Variants in UBE2G1 observed in about 807,000 individuals in gnomAD.
UBE2G1 encodes the protein ubiquitin conjugating enzyme E2 G1.
UBE2G1 carries 5 observed loss-of-function variants against 22.7 expected under a neutral mutation model. The observed-to-expected ratio is 0.22, with a 90% CI of 0.12 to 0.46. UBE2G1 has a LOEUF of 0.46. Among genes scored for constraint, UBE2G1 ranks in the 20% least tolerant of loss-of-function variants. The probability of loss-of-function intolerance (pLI) is 0.99; values close to 1 mark genes in which losing one functional copy is unlikely to be tolerated. For synonymous variants in UBE2G1, 74 were observed against 67.5 expected, an observed-to-expected ratio of 1.10 and a Z score of -0.47; for missense variants, 88 against 203.9, an observed-to-expected ratio of 0.43 and a Z score of 3.46.
chr17:4,319,734 A>G (rs73328796), intron 1 of UBE2G1, among the ~76,000 whole-genome samples: 220 of 152,192 alleles, frequency 1.4e-3, no homozygotes, highest in African/African-American at 5.1e-3. Flanking sequence ...AAAAAAAAAA[A>G]AGAGAGAGAG....
chr17:4,314,863 C>G (rs1969348231), intron 1 of UBE2G1, among the ~76,000 whole-genome samples: 1 of 152,198 alleles, frequency 6.6e-6, no homozygotes, highest in African/African-American at 2.4e-5. Flanking sequence ...AAGATCTACT[C>G]TGCAGGATAT....
At chr17:4,346,654 T>G (rs1298752689) in intron 1 of UBE2G1, among the ~76,000 whole-genome samples, 1 of 150,736 alleles carries the variant, frequency 6.6e-6, no homozygotes, top group Non-Finnish European at 1.5e-5. Flanking sequence ...CAGGCTGGTC[T>G]TGAACTCCTG....
intron 1 of UBE2G1, among the ~76,000 whole-genome samples, chr17:4,332,265 T>C (rs1339467056): frequency 6.6e-6 from 1 of 151,904 alleles, no homozygotes; most frequent in Non-Finnish European, 1.5e-5. Context: ...GCAGTGTTTT[T>C]CAACCGTAAG....
At chr17:4,343,064 C>A (rs1013662971) in intron 1 of UBE2G1, among the ~76,000 whole-genome samples, 1 of 152,112 alleles carries the variant, frequency 6.6e-6, no homozygotes, top group Non-Finnish European at 1.5e-5. Context: ...ATTTAATTAT[C>A]TAGTTTACCA....
chr17:4,357,918 A>G (rs1384529817), intron 1 of UBE2G1, among the ~76,000 whole-genome samples: 1 of 152,108 alleles, frequency 6.6e-6, no homozygotes, highest in Admixed American at 6.6e-5. Context: ...TGGGCAACAC[A>G]GCAAGACCCC....
intron 1 of UBE2G1, among the ~76,000 whole-genome samples, chr17:4,339,117 CT>C (rs1474140496): frequency 2.0e-5 from 3 of 152,208 alleles, no homozygotes; most frequent in Non-Finnish European, 2.9e-5. Context: ...ACAACGAACG[CT>C]TTTTCTTTTC....
Position 4,349,031 on chromosome 17 carries a change from A to C in UBE2G1, c.46+17240T>G, listed in dbSNP as rs1246478408. On this transcript the variant is annotated intron_variant, in intron 1 of 5. Transcript: ENST00000396981. ...GTGAAACCCAGTCTCTACTAAGAAT[A>C]CAAAAATTAGGCTGGGCGAGGTGGC... 3.9e-5 allele frequency among the ~76,000 whole-genome samples: 6 copies of C among 152,114 alleles called. No homozygotes were observed. In the East Asian group the frequency reaches 1.2e-3, roughly 29 times the overall value.
chr17:4,272,888 A>G (rs757979815), intron 5 of UBE2G1, among the ~76,000 whole-genome samples: 1 of 152,228 alleles, frequency 6.6e-6, no homozygotes, highest in Non-Finnish European at 1.5e-5. Flanking sequence ...CTTTCAACTT[A>G]TATTAAATCT....
At chr17:4,293,153 C>A (rs772212367) in intron 3 of UBE2G1, among the ~76,000 whole-genome samples, 4 of 152,136 alleles carry the variant, frequency 2.6e-5, no homozygotes, top group Non-Finnish European at 5.9e-5. Context: ...CACCTCCCCT[C>A]CAGCAGTAGG....
chr17:4,327,985 G>C (rs1206217192), intron 1 of UBE2G1, among the ~76,000 whole-genome samples: 1 of 152,112 alleles, frequency 6.6e-6, no homozygotes, highest in Non-Finnish European at 1.5e-5. Context: ...CCTTTCCTTT[G>C]TGTAGAGCTT....
chr17:4,314,433 C>A (rs1174657028), intron 1 of UBE2G1, among the ~76,000 whole-genome samples: 1 of 152,106 alleles, frequency 6.6e-6, no homozygotes, highest in African/African-American at 2.4e-5. Context: ...ACTGTGAAAT[C>A]AAAAACAAGA....
At chr17:4,284,919 T>G (rs1406557714) in intron 4 of UBE2G1, among the ~76,000 whole-genome samples, 2 of 145,502 alleles carry the variant, frequency 1.4e-5, no homozygotes, top group Non-Finnish European at 3.0e-5. Context: ...CATAGCTCAC[T>G]GCAGGCTTGA....
intron 1 of UBE2G1, among the ~76,000 whole-genome samples, chr17:4,353,848 C>T (rs1268524314): frequency 2.4e-5 from 3 of 125,988 alleles, no homozygotes; most frequent in Non-Finnish European, 4.7e-5. Flanking sequence ...GACAGAGTCT[C>T]ACTCAGTCAC....
intron 1 of UBE2G1, among the ~76,000 whole-genome samples, chr17:4,347,506 G>A (rs1162242160): frequency 5.1e-5 from 6 of 116,870 alleles, no homozygotes; most frequent in East Asian, 2.5e-4. Flanking sequence ...ATAGAGTCTC[G>A]CTCTGTCACC....
intron 2 of UBE2G1, among the ~76,000 whole-genome samples, chr17:4,303,390 AT>A (rs1969209417): frequency 6.6e-6 from 1 of 152,006 alleles, no homozygotes; most frequent in South Asian, 2.1e-4. Context: ...AGGGGAAAAA[AT>A]AATTTTTTTT....
intron 1 of UBE2G1, among the ~76,000 whole-genome samples, chr17:4,325,753 G>A (rs888307575): frequency 6.6e-6 from 1 of 152,102 alleles, no homozygotes; most frequent in African/African-American, 2.4e-5. Context: ...CTGTGGTATT[G>A]GCAAAAAGAC....
chr17:4,363,221 T>A (rs1969988990), intron 1 of UBE2G1, among the ~76,000 whole-genome samples: 1 of 152,196 alleles, frequency 6.6e-6, no homozygotes, highest in African/African-American at 2.4e-5. Context: ...TCATTTGCCT[T>A]GCCCTACTAC....
chr17:4,355,875 T>C (rs1276995684), intron 1 of UBE2G1, among the ~76,000 whole-genome samples: 3 of 147,564 alleles, frequency 2.0e-5, no homozygotes, highest in Non-Finnish European at 4.5e-5. Flanking sequence ...TAATTTTGTA[T>C]TTCTAGTAGA....
rs113805949 is a variant in UBE2G1, at chr17:4,317,211, G to C, written c.47-10088C>G. ...CTAAAAATACAAAAATTAGCCAGGCGTGGTAGCGGGTGCCTCTAATCCCAG... is the reference window on the plus strand; with the variant it reads ...CTAAAAATACAAAAATTAGCCAGGCCTGGTAGCGGGTGCCTCTAATCCCAG... On this transcript the variant is annotated intron_variant, in intron 1 of 5. Coordinates refer to ENST00000396981, the MANE Select transcript of UBE2G1 (RefSeq NM_003342.5). Among the ~76,000 whole-genome samples, 20 of 152,180 alleles carry C rather than the reference G, an allele frequency of 1.3e-4. No individual in the cohort carries two copies. In the South Asian group the frequency reaches 3.7e-3, roughly 28 times the overall value.
Sources: allele counts gnomAD v4.1 joint callset (sites outside exome capture counted in the v4.1 genomes callset), GRCh38; gene constraint gnomAD v4.1.1; transcripts MANE v1.5; gene names NCBI Gene and HGNC (gene_info 2026-07-23, HGNC 2026-07-21).